The following LRBA variants were observed in gnomAD, a reference collection of about 807,000 sequenced individuals.
LRBA encodes the protein lipopolysaccharide-responsive and beige-like anchor protein.
In LRBA, 176 loss-of-function variants were observed where a neutral mutation model predicts 330.0. That is an observed-to-expected ratio of 0.53 (90% confidence interval 0.47 to 0.60). The LOEUF (loss-of-function observed/expected upper bound fraction) is 0.60. Ranked by LOEUF, LRBA falls within the 20% of genes least tolerant of loss-of-function variation. The probability of loss-of-function intolerance (pLI) is 0.00; values close to 1 mark genes in which losing one functional copy is unlikely to be tolerated. For missense variants in LRBA, 3,259 were observed against 3,444.8 expected (o/e 0.95, Z 1.35); for synonymous variants, 1,230 against 1,193.0 (o/e 1.03, Z -0.64).
chr4:150,512,871 A>T (rs1382150136), intron 40 of LRBA, among the ~76,000 whole-genome samples: 3 of 152,242 alleles, frequency 2.0e-5, no homozygotes. Context: ...ATTATGTAAG[A>T]ATATTCAATT....
intron 5 of LRBA, among the ~76,000 whole-genome samples, chr4:150,917,162 A>AAT (rs1553998839): frequency 1.6e-3 from 239 of 151,690 alleles, no homozygotes; most frequent in African/African-American, 5.4e-3. Flanking sequence ...CAAAAAAAAA[A>AAT]ATATATATAT....
chr4:150,732,326 T>C (rs1730557978), intron 36 of LRBA, among the ~76,000 whole-genome samples: 1 of 152,078 alleles, frequency 6.6e-6, no homozygotes, highest in Non-Finnish European at 1.5e-5. Context: ...AATGGGTATT[T>C]GCATGTTTGT....
At chr4:150,686,193 T>C (rs1455675211) in intron 36 of LRBA, among the ~76,000 whole-genome samples, 1 of 152,186 alleles carries the variant, frequency 6.6e-6, no homozygotes, top group Non-Finnish European at 1.5e-5. Context: ...CTGGGCAACC[T>C]CTGTGAGGGT....
chr4:150,331,521 T>C (rs964269532), intron 48 of LRBA, among the ~76,000 whole-genome samples: 1 of 152,154 alleles, frequency 6.6e-6, no homozygotes, highest in Admixed American at 6.5e-5. Flanking sequence ...ATTAAGACAT[T>C]TTGGCTTTAG....
intron 24 of LRBA, 131 bp from the exon 25 acceptor site, chr4:150,849,706 G>T: frequency 1.5e-6 from 1 of 676,756 alleles, no homozygotes; most frequent in Non-Finnish European, 2.6e-6. Context: ...GATGCAGCAG[G>T]CATTTGGAGG....
At chr4:150,361,659 C>T (rs891943278) in intron 47 of LRBA, among the ~76,000 whole-genome samples, 1 of 152,192 alleles carries the variant, frequency 6.6e-6, no homozygotes, top group Non-Finnish European at 1.5e-5. Flanking sequence ...CAGTCCCAGG[C>T]CCTCTGCCTC....
At chr4:150,674,837 T>C (rs1038083191) in intron 37 of LRBA, among the ~76,000 whole-genome samples, 2 of 152,202 alleles carry the variant, frequency 1.3e-5, no homozygotes, top group African/African-American at 4.8e-5. Flanking sequence ...TTTATGCCAC[T>C]GCACTCCATC....
At position 150,808,411 on chromosome 4, in the gene LRBA, A is replaced by G. The variant is rs1578850689; in HGVS notation, c.5306-13T>C. The G allele has an allele frequency of 6.7e-7, 1 of 1,502,808 alleles. No individual in the cohort carries two copies. Among genetic ancestry groups the G allele is most frequent in the African/African-American group, 1.4e-5 (1 of 72,826 alleles). The allele number at this position is 1,502,808 out of a possible 1,614,324, so 93.1% of individuals were successfully genotyped here. A position where few individuals can be genotyped will look rare whatever the true frequency, so the allele number is the denominator to read the frequency against. The stretch of plus-strand genomic sequence containing the variant: ...GATGATCTACTGCCTATAAAAGAAA[A>G]ATAACCATCTATAGGAATTTTCTGC... On this transcript the variant is annotated splice_polypyrimidine_tract_variant and intron_variant, in intron 31 of 56. Coordinates refer to ENST00000651943, the MANE Select transcript of LRBA (RefSeq NM_001364905.1).
intron 34 of LRBA, among the ~76,000 whole-genome samples, chr4:150,792,575 C>T (rs1740115877): frequency 1.3e-5 from 2 of 152,120 alleles, no homozygotes; most frequent in South Asian, 4.1e-4. Context: ...CCAGTGCGAC[C>T]CTAGCTCACT....
At chr4:150,541,875 G>C (rs1015279974) in intron 40 of LRBA, among the ~76,000 whole-genome samples, 1 of 152,118 alleles carries the variant, frequency 6.6e-6, no homozygotes, top group Admixed American at 6.5e-5. Context: ...TGTAGAGGCA[G>C]TGTCTCGGTA....
intron 34 of LRBA, among the ~76,000 whole-genome samples, chr4:150,777,494 T>G (rs1737552225): frequency 6.6e-6 from 1 of 152,196 alleles, no homozygotes; most frequent in Admixed American, 6.5e-5. Flanking sequence ...CACATTGATT[T>G]GTTAAGATGT....
intron 55 of LRBA, among the ~76,000 whole-genome samples, chr4:150,281,946 C>A (rs530574843): frequency 7.9e-5 from 12 of 152,268 alleles, no homozygotes; most frequent in African/African-American, 2.6e-4. Context: ...TAATTTGAAG[C>A]CCAGCTTCTT....
At chr4:150,694,037 A>ATACT (rs1179076441) in intron 36 of LRBA, among the ~76,000 whole-genome samples, 1 of 152,188 alleles carries the variant, frequency 6.6e-6, no homozygotes, top group Non-Finnish European at 1.5e-5. Flanking sequence ...AAAGAAACAT[A>ATACT]TACTTGCTTT....
intron 40 of LRBA, among the ~76,000 whole-genome samples, chr4:150,516,877 A>G (rs1365555624): frequency 6.6e-6 from 1 of 152,206 alleles, no homozygotes; most frequent in Non-Finnish European, 1.5e-5. Flanking sequence ...AACAAATAGA[A>G]ATAATAGTTT....
intron 40 of LRBA, among the ~76,000 whole-genome samples, chr4:150,575,680 T>A (rs972958102): frequency 2.0e-5 from 3 of 151,892 alleles, no homozygotes; most frequent in Admixed American, 2.0e-4. Context: ...ATAATCTACG[T>A]CTCTAATTTC....
At chr4:150,826,694 T>A (rs1449428721) in intron 30 of LRBA, among the ~76,000 whole-genome samples, 1 of 151,326 alleles carries the variant, frequency 6.6e-6, no homozygotes, top group East Asian at 1.9e-4. Flanking sequence ...ACACTGAGGG[T>A]GTTGAAGTGG....
intron 44 of LRBA, among the ~76,000 whole-genome samples, chr4:150,443,091 A>G (rs1470487816): frequency 6.6e-6 from 1 of 152,176 alleles, no homozygotes; most frequent in Non-Finnish European, 1.5e-5. Flanking sequence ...GCAGGTGAAA[A>G]AAACAGTTCG....
At chr4:150,497,679 A>T (rs1383378586) in intron 40 of LRBA, among the ~76,000 whole-genome samples, 4 of 152,186 alleles carry the variant, frequency 2.6e-5, no homozygotes. Flanking sequence ...ATGAAAAATT[A>T]AAAATATATA....
intron 40 of LRBA, among the ~76,000 whole-genome samples, chr4:150,504,512 G>C (rs1202655353): frequency 6.6e-6 from 1 of 152,130 alleles, no homozygotes; most frequent in Admixed American, 6.5e-5. Context: ...AAGTGAACAA[G>C]AAATAAAATA....
Sources: allele counts gnomAD v4.1 joint callset (sites outside exome capture counted in the v4.1 genomes callset), GRCh38; gene constraint gnomAD v4.1.1; transcripts MANE v1.5; gene names NCBI Gene and HGNC (gene_info 2026-07-23, HGNC 2026-07-21).